Variants in COL6A2 observed in about 807,000 individuals in gnomAD.
COL6A2 encodes collagen type VI alpha 2 chain.
Under a neutral mutation model 124.9 loss-of-function variants are expected in COL6A2, and 90 were observed. That is an observed-to-expected ratio of 0.72 (90% CI 0.61 to 0.86). The LOEUF is 0.86. Among genes scored for constraint, COL6A2 ranks in the 40% least tolerant of loss-of-function variants. COL6A2 has a pLI of 0.00. For missense variants in COL6A2, 1,607 were observed against 1,502.5 expected, an observed-to-expected ratio of 1.07 and a Z score of -1.15; for synonymous variants, 793 against 618.2, an observed-to-expected ratio of 1.28 and a Z score of -4.19.
chr21:46,115,793 CAGA>C, intron 5 of COL6A2, 76 bp from the exon 6 acceptor site: 1 of 1,315,108 alleles, frequency 7.6e-7, no homozygotes, highest in Non-Finnish European at 1.1e-6. Context: ...TGTCACCTCT[CAGA>C]GGAGCTGTGG....
chr21:46,125,524 A>G lies in COL6A2; in HGVS notation c.1876A>G (p.Ile626Val), dbSNP rs1251319042. Reference sequence around the variant, plus strand: ...CTTCGTCATCGACAGCTCCGAGAGCATTGGGTACACCAACTTCACACTGGA... The same window carrying G: ...CTTCGTCATCGACAGCTCCGAGAGCGTTGGGTACACCAACTTCACACTGGA... The part of the protein sequence containing the change: ...VVFVIDSSES[I>V]GYTNFTLEKN... The change falls in exon 25 of 28, where the codon ATT (isoleucine) becomes GTT (valine). Residue 626 changes from isoleucine (I) to valine (V), a missense_variant. Transcript: ENST00000300527. The G allele has an allele frequency of 3.1e-6, 5 of 1,612,946 alleles. No homozygotes were observed. Among genetic ancestry groups the G allele is most frequent in the Admixed American group, 1.7e-5 (1 of 60,022 alleles).
At chr21:46,121,927 C>T (rs2078572813) in intron 18 of COL6A2, among the ~76,000 whole-genome samples, 181 bp from the exon 19 acceptor site, 1 of 152,150 alleles carries the variant, frequency 6.6e-6, no homozygotes, top group Non-Finnish European at 1.5e-5. Context: ...TAGGCACGTC[C>T]AGCCCCCACT....
chr21:46,129,148 C>G, intron 27 of COL6A2: 1 of 1,611,376 alleles, frequency 6.2e-7, no homozygotes, highest in Non-Finnish European at 8.5e-7. Context: ...AGCTCTAGGC[C>G]GACGCCCACC....
At chr21:46,119,244 G>GC (rs1477723043) in intron 14 of COL6A2, 125 bp downstream of exon 14, 9 of 770,480 alleles carry the variant, frequency 1.2e-5, no homozygotes, top group South Asian at 8.2e-5. Context: ...GCACAGCCAG[G>GC]CCCCCATCCT....
At chr21:46,129,166 T>C in intron 27 of COL6A2, 1 of 1,612,572 alleles carries the variant, frequency 6.2e-7, no homozygotes, top group Non-Finnish European at 8.5e-7. Flanking sequence ...ACCGCAGGCC[T>C]TACAGTCTTC....
At chr21:46,124,304 G>C (rs2078625113) in intron 21 of COL6A2, among the ~76,000 whole-genome samples, 1 of 151,902 alleles carries the variant, frequency 6.6e-6, no homozygotes, top group African/African-American at 2.4e-5. Flanking sequence ...TGGGCGAATG[G>C]GCGAATGGGT....
chr21:46,125,729 G>A (rs2078653285), intron 25 of COL6A2, 56 bp from the exon 26 acceptor site: 3 of 1,601,368 alleles, frequency 1.9e-6, no homozygotes, highest in Non-Finnish European at 2.6e-6. Flanking sequence ...CTGCATGGCT[G>A]GGGATGCCCC....
chr21:46,131,408 CCT>C (rs1170401187), intron 27 of COL6A2, among the ~76,000 whole-genome samples: 5 of 152,286 alleles, frequency 3.3e-5, no homozygotes, highest in African/African-American at 7.2e-5. Context: ...TCTGGCTGCC[CCT>C]GTGCCCACTG....
Position 46,100,221 on chromosome 21 carries a change from G to A in COL6A2, c.-28+2048G>A, listed in dbSNP as rs549188895. 3.3e-4 allele frequency among the ~76,000 whole-genome samples: 50 copies of A among 152,134 alleles called. 1 individual carries two copies. The highest frequency in any genetic ancestry group is 1.1e-3 in the African/African-American group (46 of 41,504). On this transcript the variant is annotated intron_variant, in intron 1 of 27. Coordinates refer to ENST00000300527, the MANE Select transcript of COL6A2 (RefSeq NM_001849.4). ...CAAGCGAGCCTCCACCTCAGCCTCC[G>A]AGTAGCGGGGACTACAGGCATGCAC...
At chr21:46,130,095 C>T (rs533737927) in intron 27 of COL6A2, among the ~76,000 whole-genome samples, 21 of 152,282 alleles carry the variant, frequency 1.4e-4, no homozygotes, top group East Asian at 3.9e-4. Context: ...TGAAGGCTTC[C>T]GGTTGGGCAG....
chr21:46,127,284 G>A (rs2078686181), intron 27 of COL6A2, among the ~76,000 whole-genome samples: 2 of 152,168 alleles, frequency 1.3e-5, no homozygotes, highest in African/African-American at 4.8e-5. Context: ...AAACCTCAGG[G>A]TCTGCGGTAC....
At chr21:46,127,939 C>T (rs1200925375) in intron 27 of COL6A2, among the ~76,000 whole-genome samples, 1 of 152,232 alleles carries the variant, frequency 6.6e-6, no homozygotes, top group Non-Finnish European at 1.5e-5. Context: ...GGGATAAACC[C>T]ACCTGGCCGT....
In COL6A2 at chr21:46,099,496, C is replaced by G. The variant is rs971288640; in HGVS notation, c.-28+1323C>G. Among the ~76,000 whole-genome samples the G allele has an allele frequency of 2.8e-4, 42 of 150,982 alleles. 1 individual carries two copies. Among genetic ancestry groups the G allele is most frequent in the African/African-American group, 5.4e-4 (22 of 41,074 alleles). On this transcript the variant is annotated intron_variant, in intron 1 of 27. Coordinates refer to ENST00000300527, the MANE Select transcript of COL6A2 (RefSeq NM_001849.4). The stretch of plus-strand genomic sequence containing the variant: ...AAAAAAAAAAAAGGAAAGAAAGGCC[C>G]GGTGAGATGCTTTCTCTTAAACACG...
intron 19 of COL6A2, 108 bp downstream of exon 19, chr21:46,122,266 T>C: frequency 2.2e-6 from 3 of 1,351,438 alleles, no homozygotes; most frequent in Non-Finnish European, 3.1e-6. Flanking sequence ...CAGAAGAAAG[T>C]GTGAGGTCCC....
In COL6A2 at chr21:46,112,112, C is replaced by G; in HGVS notation, c.249C>G (p.Asn83Lys). Residue 83 changes from asparagine (N) to lysine (K), a missense_variant, in exon 3 of 28, where the codon AAC (asparagine) becomes AAG (lysine). By Grantham distance (94) the Asn-to-Lys change is moderately conservative (BLOSUM62 0). Around this residue, in one of 3 missense-constraint regions of COL6A2, gnomAD observed 342 missense variants for 381.5 expected, o/e 0.90. Transcript: ENST00000300527. Reference protein sequence around the residue: ...FVPQFISQLQNEFYLDQVALS... With the variant: ...FVPQFISQLQKEFYLDQVALS... ...CGCAGTTCATCAGCCAGCTGCAGAA[C>G]GAGTTCTACCTGGACCAGGTGGCGC... The G allele has an allele frequency of 6.2e-7, 1 of 1,613,232 alleles. No homozygotes were observed. Among genetic ancestry groups the G allele is most frequent in the Non-Finnish European group, 8.5e-7 (1 of 1,180,050 alleles).
chr21:46,127,493 C>T (rs2078690644), intron 27 of COL6A2, among the ~76,000 whole-genome samples: 1 of 152,106 alleles, frequency 6.6e-6, no homozygotes, highest in African/African-American at 2.4e-5. Flanking sequence ...GTCTGGCTGC[C>T]CTTCAGCAGG....
chr21:46,109,240 C>T (rs148282135), intron 1 of COL6A2, among the ~76,000 whole-genome samples: 125 of 152,154 alleles, frequency 8.2e-4, no homozygotes, highest in Non-Finnish European at 1.4e-3. Context: ...TCCTGACATC[C>T]CTTCAGGTCC....
At position 46,111,439 on chromosome 21, in the gene COL6A2, C is replaced by A; in HGVS notation, c.-27-11C>A. On this transcript the variant is annotated splice_polypyrimidine_tract_variant and intron_variant, in intron 1 of 27. Coordinates refer to ENST00000300527, the MANE Select transcript of COL6A2 (RefSeq NM_001849.4). ...CTGGGGGTGTCTGAGCGACCCCCAC[C>A]CCTGTTGCAGGACTTCAGGGCCACA... 6.5e-7 allele frequency: 1 copy of A among 1,535,264 alleles called. No homozygotes were observed. Among genetic ancestry groups the A allele is most frequent in the South Asian group, 1.1e-5 (1 of 88,996 alleles).
intron 11 of COL6A2, 92 bp from the exon 12 acceptor site, chr21:46,117,782 C>T: frequency 7.4e-7 from 1 of 1,342,652 alleles, no homozygotes. Context: ...GGAGGTGCGT[C>T]CCGGGCTGGG....
Sources: allele counts gnomAD v4.1 joint callset (sites outside exome capture counted in the v4.1 genomes callset), GRCh38; gene constraint gnomAD v4.1.1; regional missense constraint gnomAD v4.1.1; transcripts MANE v1.5; gene names NCBI Gene and HGNC (gene_info 2026-07-23, HGNC 2026-07-21).